LRRTM3: variants seen among roughly 807,000 people sequenced by gnomAD.
The protein encoded by LRRTM3 is leucine-rich repeat transmembrane neuronal protein 3.
In LRRTM3, 24 loss-of-function variants were observed where a neutral mutation model predicts 44.7. That is an observed-to-expected ratio of 0.54 (90% confidence interval 0.39 to 0.76). LRRTM3 has a LOEUF of 0.76. Among genes scored for constraint, LRRTM3 ranks in the 30% least tolerant of loss-of-function variants. LRRTM3 has a pLI of 0.00. For synonymous variants in LRRTM3, 277 were observed against 278.7 expected (o/e 0.99, Z 0.06); for missense variants, 587 against 702.2 (o/e 0.84, Z 1.85).
chr10:66,975,617 T>C (rs1311561430), intron 2 of LRRTM3, among the ~76,000 whole-genome samples: 2 of 152,176 alleles, frequency 1.3e-5, no homozygotes, highest in African/African-American at 4.8e-5. Flanking sequence ...TACAGAGCAC[T>C]TGGCTTAGTG....
intron 2 of LRRTM3, among the ~76,000 whole-genome samples, chr10:67,063,197 A>G (rs1011906631): frequency 6.6e-6 from 1 of 152,188 alleles, no homozygotes; most frequent in African/African-American, 2.4e-5. Context: ...TGGATGCTCA[A>G]GACAGCCTTA....
chr10:67,100,846 G>T lies in LRRTM3; in HGVS notation c.*3050G>T, dbSNP rs1279917900. On this transcript the variant is annotated 3_prime_UTR_variant, in exon 3 of 3. Transcript: ENST00000361320. ...CCAAAACACAGGGCCAATAATTGGT[G>T]CAGTTGAATTATTCTCAAAATTTAC... 6.6e-6 allele frequency among the ~76,000 whole-genome samples: 1 copy of T among 151,648 alleles called. No homozygotes were observed. Among genetic ancestry groups the T allele is most frequent in the Non-Finnish European group, 1.5e-5 (1 of 67,768 alleles).
chr10:67,059,450 G>A (rs549285106), intron 2 of LRRTM3, among the ~76,000 whole-genome samples: 94 of 152,128 alleles, frequency 6.2e-4, no homozygotes, highest in Non-Finnish European at 1.1e-3. Context: ...CAGACAGATT[G>A]TAAGAGACAC....
At chr10:67,097,348 T>C (rs180679034) in intron 2 of LRRTM3, among the ~76,000 whole-genome samples, 2 of 151,894 alleles carry the variant, frequency 1.3e-5, no homozygotes, top group East Asian at 3.9e-4. Context: ...TGTAGGCTAC[T>C]ACTTATCCAA....
chr10:67,089,764 C>T (rs1318814811), intron 2 of LRRTM3, among the ~76,000 whole-genome samples: 1 of 146,002 alleles, frequency 6.8e-6, no homozygotes, highest in East Asian at 2.0e-4. Context: ...GACAGAAACA[C>T]ATATACTGTA....
Position 67,017,752 on chromosome 10 carries a change from T to C in LRRTM3, c.1537-79835T>C, listed in dbSNP as rs199805887. ...GTGTGTGTGTGTGTGTGTGTGTGTG[T>C]GCGCGCGTACAATTTTATGTGTACA... is the stretch of plus-strand genomic sequence containing the variant. On this transcript the variant is annotated intron_variant, in intron 2 of 2. Transcript: ENST00000361320. 5.2e-3 allele frequency among the ~76,000 whole-genome samples: 757 copies of C among 145,952 alleles called. 4 individuals carry two copies. Among genetic ancestry groups the C allele is most frequent in the African/African-American group, 0.015 (578 of 39,246 alleles).
chr10:66,947,726 A>G (rs1014222487), intron 2 of LRRTM3, among the ~76,000 whole-genome samples: 1 of 152,016 alleles, frequency 6.6e-6, no homozygotes, highest in Non-Finnish European at 1.5e-5. Context: ...TGATAAATTT[A>G]GGGAAAATAC....
intron 2 of LRRTM3, among the ~76,000 whole-genome samples, chr10:67,009,879 C>T (rs909875355): frequency 6.6e-6 from 1 of 152,102 alleles, no homozygotes; most frequent in Admixed American, 6.6e-5. Flanking sequence ...ATGGTTTGTA[C>T]GTACTGTCTC....
At chr10:67,037,331 TACTATGTGGCAAC>T (rs1248278683) in intron 2 of LRRTM3, among the ~76,000 whole-genome samples, 5 of 150,470 alleles carry the variant, frequency 3.3e-5, no homozygotes, top group Non-Finnish European at 1.5e-5. Context: ...ATTCAGCAGT[TACTATGTGGCAAC>T]ACTATGTGGC....
intron 2 of LRRTM3, among the ~76,000 whole-genome samples, chr10:67,079,825 G>C (rs991122563): frequency 6.6e-6 from 1 of 151,346 alleles, no homozygotes; most frequent in Non-Finnish European, 1.5e-5. Flanking sequence ...TCCAGCCTGG[G>C]TGGCACAGCG....
At chr10:67,050,756 C>T (rs1477062097) in intron 2 of LRRTM3, among the ~76,000 whole-genome samples, 2 of 152,150 alleles carry the variant, frequency 1.3e-5, no homozygotes, top group Non-Finnish European at 2.9e-5. Context: ...TTATTTACTT[C>T]GATTTGTAGC....
chr10:67,026,754 G>A (rs1427609239), intron 2 of LRRTM3, among the ~76,000 whole-genome samples: 2 of 152,144 alleles, frequency 1.3e-5, no homozygotes, highest in Non-Finnish European at 2.9e-5. Context: ...CTGGTTCTTA[G>A]TTGTTCAAAG....
chr10:66,961,673 C>G (rs1849115461), intron 2 of LRRTM3, among the ~76,000 whole-genome samples: 1 of 152,066 alleles, frequency 6.6e-6, no homozygotes, highest in Non-Finnish European at 1.5e-5. Flanking sequence ...TGATCTCTCC[C>G]CTGAATTCTA....
At chr10:66,955,585 G>C (rs1436384327) in intron 2 of LRRTM3, among the ~76,000 whole-genome samples, 1 of 152,124 alleles carries the variant, frequency 6.6e-6, no homozygotes, top group African/African-American at 2.4e-5. Context: ...AGCTGGCACA[G>C]AGTAGACACT....
chr10:67,089,707 G>T (rs1175532741), intron 2 of LRRTM3, among the ~76,000 whole-genome samples: 1 of 129,076 alleles, frequency 7.7e-6, no homozygotes, highest in Admixed American at 7.9e-5. Context: ...ATACATATGT[G>T]TATATACATA....
At chr10:66,967,415 C>CAT (rs940185610) in intron 2 of LRRTM3, among the ~76,000 whole-genome samples, 7 of 151,080 alleles carry the variant, frequency 4.6e-5, no homozygotes, top group East Asian at 3.9e-4. Context: ...TACACACATG[C>CAT]ATATATATAT....
intron 2 of LRRTM3, among the ~76,000 whole-genome samples, chr10:67,027,860 T>C (rs1008540788): frequency 3.9e-5 from 6 of 152,232 alleles, no homozygotes; most frequent in Admixed American, 3.9e-4. Flanking sequence ...GATAGATATT[T>C]GCTGTTTGCT....
chr10:66,976,133 C>A (rs763815466), intron 2 of LRRTM3, among the ~76,000 whole-genome samples: 3 of 152,050 alleles, frequency 2.0e-5, no homozygotes, highest in Admixed American at 6.6e-5. Context: ...TTGTTCCTGC[C>A]TTTGTAAAAC....
intron 2 of LRRTM3, among the ~76,000 whole-genome samples, chr10:67,043,080 G>GTATTTATAT (rs1854504318): frequency 1.3e-5 from 2 of 151,684 alleles, no homozygotes; most frequent in African/African-American, 4.8e-5. Context: ...TAAATTACCT[G>GTATTTATAT]CAGGTGTGAG....
Sources: gnomAD v4.1 joint callset for allele counts (sites outside exome capture counted in the v4.1 genomes callset) on GRCh38, gnomAD v4.1.1 for gene constraint, MANE v1.5 for transcripts, NCBI Gene and HGNC (gene_info 2026-07-23, HGNC 2026-07-21) for gene names.